Variants in ORC1 observed in about 807,000 individuals in gnomAD.
ORC1 encodes origin recognition complex subunit 1, also known as origin recognition complex, subunit 1 homolog.
A neutral mutation model predicts 98.9 loss-of-function variants in ORC1; 61 were observed. That is an observed-to-expected ratio of 0.62 (90% CI 0.50 to 0.76). The LOEUF is 0.76. Among genes scored for constraint, ORC1 ranks in the 30% least tolerant of loss-of-function variants. The pLI, the probability that ORC1 is intolerant of heterozygous loss-of-function variation, is 0.00. For synonymous variants in ORC1, 385 were observed against 406.9 expected, an observed-to-expected ratio of 0.95 and a Z score of 0.65; for missense variants, 979 against 1,072.2, an observed-to-expected ratio of 0.91 and a Z score of 1.21.
At chr1:52,378,865 C>A (rs554337761) in intron 14 of ORC1, among the ~76,000 whole-genome samples, 8 of 151,622 alleles carry the variant, frequency 5.3e-5, no homozygotes, top group Non-Finnish European at 1.0e-4. Flanking sequence ...AACCCCGTAT[C>A]TACTGAAAAT....
rs367611068 is a variant in ORC1, at chr1:52,393,564, G to A, written c.961C>T (p.Arg321Ter). Residue 321 changes from arginine (R) to a stop codon, truncating the protein, a stop_gained, in exon 6 of 17, where the codon CGA (arginine) becomes TGA (stop). Coordinates refer to ENST00000371568, the MANE Select transcript of ORC1 (RefSeq NM_004153.4). LOFTEE classifies it high-confidence loss of function. ...SPEHRIILRTRIAASKTIDIR... is the reference protein window; with the variant it reads ...SPEHRIILRT ...TCTATGGTTTTCGAAGCTGCAATTCGGGTTCTCAGGATTATGCGATGTTCA... is the reference window on the plus strand; with the variant it reads ...TCTATGGTTTTCGAAGCTGCAATTCAGGTTCTCAGGATTATGCGATGTTCA... 3.1e-6 allele frequency: 5 copies of A among 1,614,088 alleles called. No homozygotes were observed. The highest frequency in any genetic ancestry group is 4.2e-6 in the Non-Finnish European group (5 of 1,180,022).
chr1:52,387,919 G>A (rs766578570), intron 8 of ORC1, among the ~76,000 whole-genome samples: 12 of 152,154 alleles, frequency 7.9e-5, no homozygotes, highest in Admixed American at 1.3e-4. Context: ...AAGCACATTC[G>A]AACATGAGAA....
In ORC1 at chr1:52,372,930, G is replaced by A. The variant is rs954470836; in HGVS notation, c.*251C>T. On this transcript the variant is annotated 3_prime_UTR_variant, in exon 17 of 17. Coordinates refer to ENST00000371568, the MANE Select transcript of ORC1 (RefSeq NM_004153.4). Reference sequence around the variant, plus strand: ...ACAATTCCATGTACTTCCAAAATCAGATGCTTTGTAGACTAGCTTGGCAAC... The same window carrying A: ...ACAATTCCATGTACTTCCAAAATCAAATGCTTTGTAGACTAGCTTGGCAAC... 6.2e-5 allele frequency: 30 copies of A among 487,192 alleles called. No homozygotes were observed. Among genetic ancestry groups the A allele is most frequent in the Non-Finnish European group, 7.5e-6 (2 of 265,570 alleles). The allele number at this position is 487,192 out of a possible 1,614,324, so 30.2% of individuals were successfully genotyped here. A position where few individuals can be genotyped will look rare whatever the true frequency, so the allele number is the denominator to read the frequency against.
upstream of ORC1, chr1:52,408,509 A>C (rs1557591588): frequency 6.2e-7 from 1 of 1,609,700 alleles, no homozygotes. Flanking sequence ...GAGAACAGCT[A>C]GTTGTAAAAC....
chr1:52,383,621 T>C (rs1461728948), intron 12 of ORC1, 52 bp from the exon 13 acceptor site: 2 of 1,599,972 alleles, frequency 1.3e-6, no homozygotes, highest in Admixed American at 3.3e-5. Flanking sequence ...ACTGAGCTGG[T>C]GCTTCAAAAT....
In ORC1 at chr1:52,388,579, T is replaced by A; in HGVS notation, c.1246A>T (p.Ile416Phe). 6.2e-7 allele frequency: 1 copy of A among 1,614,140 alleles called. No individual in the cohort carries two copies. The highest frequency in any genetic ancestry group is 8.5e-7 in the Non-Finnish European group (1 of 1,180,028). The change falls in exon 8 of 17, where the codon ATT (isoleucine) becomes TTT (phenylalanine). Residue 416 changes from isoleucine (I) to phenylalanine (F), a missense_variant. Physicochemically the swap from Ile to Phe is conservative, Grantham distance 21. Transcript: ENST00000371568. ...EEKEILPAAE[I>F]SDSSSDEEEA... ...TCTTCGTCACTGCTAGAGTCTGAAA[T>A]CTCTGCTGCTGGCAGAATCTCTTTC...
chr1:52,378,377 T>C (rs2147914514), intron 14 of ORC1, among the ~76,000 whole-genome samples: 1 of 148,736 alleles, frequency 6.7e-6, no homozygotes, highest in East Asian at 2.0e-4. Context: ...ACCAAAACTC[T>C]GGCCAGGTGC....
rs188106670 is a variant in ORC1 at position 52,392,370 on chromosome 1, C to T, written c.1082+1073G>A. 8.9e-3 allele frequency among the ~76,000 whole-genome samples: 1,347 copies of T among 152,100 alleles called. 18 individuals carry two copies. The highest frequency in any genetic ancestry group is 0.031 in the African/African-American group (1,280 of 41,480). ...GTCTTGATCTCCTGACCTTGTGATC[C>T]GCCCGCCTCGGCCTCCCAAAGTGCT... On this transcript the variant is annotated intron_variant, in intron 6 of 16. Transcript: ENST00000371568.
At chr1:52,375,004 A>C in intron 15 of ORC1, 107 bp from the exon 16 acceptor site, 1 of 738,200 alleles carries the variant, frequency 1.4e-6, no homozygotes. Flanking sequence ...AAAACCCGGG[A>C]AATAATTTCT....
chr1:52,381,494 G>A, intron 14 of ORC1, 148 bp downstream of exon 14: 1 of 829,392 alleles, frequency 1.2e-6, no homozygotes, highest in Non-Finnish European at 1.9e-6. Flanking sequence ...CAAGGCTAAG[G>A]AATTTCTCAT....
At chr1:52,404,875 T>C (rs142380332), upstream of ORC1, 269 of 1,613,682 alleles carry the variant, frequency 1.7e-4, 3 homozygotes, top group African/African-American at 2.8e-3. Flanking sequence ...GCTTTGGACT[T>C]ACAGGTAAGT....
chr1:52,395,391 A>C (rs530498083), intron 5 of ORC1, among the ~76,000 whole-genome samples: 1 of 152,362 alleles, frequency 6.6e-6, no homozygotes, highest in African/African-American at 2.4e-5. Flanking sequence ...TGGAGTAAGC[A>C]GGGTTGGAGG....
intron 8 of ORC1, among the ~76,000 whole-genome samples, chr1:52,387,873 T>C (rs1026867184): frequency 6.6e-6 from 1 of 152,248 alleles, no homozygotes; most frequent in Non-Finnish European, 1.5e-5. Flanking sequence ...AAGAATAAGA[T>C]GCTCTGTCAA....
upstream of ORC1, among the ~76,000 whole-genome samples, chr1:52,407,921 T>C (rs1648042879): frequency 6.6e-6 from 1 of 152,260 alleles, no homozygotes; most frequent in Non-Finnish European, 1.5e-5. Context: ...CTGGGTGTGT[T>C]GGCACATGCC....
intron 15 of ORC1, among the ~76,000 whole-genome samples, chr1:52,375,107 A>G (rs898413424): frequency 8.5e-5 from 13 of 152,160 alleles, no homozygotes; most frequent in African/African-American, 2.7e-4. Context: ...TAGCAACTAC[A>G]TCCGGAAATA....
At chr1:52,383,729 T>G in intron 12 of ORC1, 101 bp downstream of exon 12, 1 of 1,286,322 alleles carries the variant, frequency 7.8e-7, no homozygotes, top group Non-Finnish European at 1.1e-6. Context: ...AATGGGCTCA[T>G]ATGAATGGAG....
intron 8 of ORC1, among the ~76,000 whole-genome samples, chr1:52,387,686 T>C (rs1180948593): frequency 1.3e-5 from 2 of 152,166 alleles, no homozygotes; most frequent in Non-Finnish European, 2.9e-5. Context: ...CTTGAATTCC[T>C]GACCTCAAGT....
At chr1:52,388,774 C>T in intron 7 of ORC1, 137 bp from the exon 8 acceptor site, 1 of 736,770 alleles carries the variant, frequency 1.4e-6, no homozygotes, top group Non-Finnish European at 2.4e-6. Context: ...TACCGAGACA[C>T]TCTGTTAGGA....
chr1:52,373,226 G>A lies in ORC1; in HGVS notation c.2541C>T (p.Leu847=). The stretch of plus-strand genomic sequence containing the variant: ...ACAGCACATCATCCTGGCTGACGTT[G>A]AGCCGCACCCGAAGGAGCAGATCGT... ...SRNDLLLRVR[L]NVSQDDVLYA... The change falls in exon 17 of 17, where the codon CTC becomes CTT. Residue 847 remains leucine (L), a synonymous_variant. Transcript: ENST00000371568. 3 of 1,614,204 alleles carry A rather than the reference G, an allele frequency of 1.9e-6. No individual in the cohort carries two copies. The highest frequency in any genetic ancestry group is 1.1e-5 in the South Asian group (1 of 91,076).
Sources: allele counts gnomAD v4.1 joint callset (sites outside exome capture counted in the v4.1 genomes callset), GRCh38; gene constraint gnomAD v4.1.1; transcripts MANE v1.5; gene names NCBI Gene and HGNC (gene_info 2026-07-23, HGNC 2026-07-21).